The following DYNLT5 variants were observed in gnomAD, a reference collection of about 807,000 sequenced individuals.
DYNLT5 encodes dynein light chain Tctex-type family member 5, also known as dynein light chain Tctex-type 5.
DYNLT5 carries 25 observed loss-of-function variants against 19.3 expected under a neutral mutation model. The ratio of observed to expected loss-of-function variants is 1.30; its 90% CI spans 0.95 to 1.81. DYNLT5 has a LOEUF of 1.81. DYNLT5 is among the 40% of genes most tolerant of loss of function. The probability of loss-of-function intolerance (pLI) is 0.00; values close to 1 mark genes in which losing one functional copy is unlikely to be tolerated. For missense variants in DYNLT5, 232 were observed against 217.9 expected, an observed-to-expected ratio of 1.06 and a Z score of -0.41; for synonymous variants, 82 against 68.9, an observed-to-expected ratio of 1.19 and a Z score of -0.94.
chr1:66,771,418 G>A (rs140512769), intron 3 of DYNLT5, among the ~76,000 whole-genome samples: 241 of 152,308 alleles, frequency 1.6e-3, no homozygotes, highest in African/African-American at 5.7e-3. Context: ...AATGAAGCTG[G>A]CACTGGCTTT....
chr1:66,764,331 G>C (rs1301000241), intron 2 of DYNLT5, among the ~76,000 whole-genome samples: 1 of 152,142 alleles, frequency 6.6e-6, no homozygotes, highest in Admixed American at 6.5e-5. Flanking sequence ...TCTAGCTTTT[G>C]ATTTAAAAGT....
Position 66,778,438 on chromosome 1 carries a change from C to T in DYNLT5, c.*984C>T, listed in dbSNP as rs541406963. The T allele has an allele frequency of 8.5e-5, 13 of 152,676 alleles. No individual in the cohort carries two copies. The highest frequency in any genetic ancestry group is 6.5e-4 in the Admixed American group (10 of 15,292). The allele number at this position is 152,676 out of a possible 1,614,324, so 9.5% of individuals were successfully genotyped here. On this transcript the variant is annotated 3_prime_UTR_variant, in exon 5 of 5. Coordinates refer to ENST00000282670, the MANE Select transcript of DYNLT5 (RefSeq NM_152665.3). Reference sequence around the variant, plus strand: ...TTATTCTGCTGGTTAATGTATCTTACGCCACGGATCATTTATTTTTATGAA... The same window carrying T: ...TTATTCTGCTGGTTAATGTATCTTATGCCACGGATCATTTATTTTTATGAA...
At position 66,778,906 on chromosome 1, in the gene DYNLT5, G is replaced by A. The variant is rs1258203326; in HGVS notation, c.*1452G>A. On this transcript the variant is annotated 3_prime_UTR_variant, in exon 5 of 5. Coordinates refer to ENST00000282670, the MANE Select transcript of DYNLT5 (RefSeq NM_152665.3). ...ATAGAACAGTTTTCAATCTGGATTA[G>A]ATTACACGTATAACAAGTAAATGAG... The A allele has an allele frequency of 6.6e-6, 1 of 152,048 alleles. No individual in the cohort carries two copies. Among genetic ancestry groups the A allele is most frequent in the Non-Finnish European group, 1.5e-5 (1 of 68,012 alleles). The allele number at this position is 152,048 out of a possible 1,614,324, so 9.4% of individuals were successfully genotyped here.
intron 2 of DYNLT5, among the ~76,000 whole-genome samples, chr1:66,756,286 T>C (rs2094635887): frequency 6.6e-6 from 1 of 152,180 alleles, no homozygotes. Flanking sequence ...AATGATCAGC[T>C]TCCAAGTCCC....
rs146881263 is a variant in DYNLT5 at position 66,757,366 on chromosome 1, A to G, written c.119+2589A>G. Among the ~76,000 whole-genome samples, 102 of 152,330 alleles carry G rather than the reference A, an allele frequency of 6.7e-4. 2 individuals carry two copies. The East Asian group carries it at 0.011, about 16-fold the overall frequency. On this transcript the variant is annotated intron_variant, in intron 2 of 4. Transcript: ENST00000282670. ...AAAGAAGATTAAATTTATATTAAAT[A>G]TTATTGTGAACTGTTTTCAAGATTG...
At chr1:66,754,076 A>G (rs1476840012) in intron 1 of DYNLT5, among the ~76,000 whole-genome samples, 6 of 152,090 alleles carry the variant, frequency 3.9e-5, no homozygotes, top group African/African-American at 1.4e-4. Flanking sequence ...CCCTATCTCT[A>G]CAAAAAATTA....
chr1:66,754,637 CA>C lies in DYNLT5; in HGVS notation c.-3-15del. ...TCCGGATCTTTCTTTTGCTATTTTACAAAAGTCTTCTTCCATAGGTTATGAT... is the reference window on the plus strand; with the variant it reads ...TCCGGATCTTTCTTTTGCTATTTTACAAAGTCTTCTTCCATAGGTTATGAT... On this transcript the variant is annotated intron_variant, in intron 1 of 4. Coordinates refer to ENST00000282670, the MANE Select transcript of DYNLT5 (RefSeq NM_152665.3). 1.3e-6 allele frequency: 2 copies of C among 1,580,990 alleles called. No homozygotes were observed. The highest frequency in any genetic ancestry group is 1.2e-5 in the South Asian group (1 of 84,928).
rs1394432254 is a variant in DYNLT5 at position 66,778,231 on chromosome 1, G to A, written c.*777G>A. The A allele has an allele frequency of 1.3e-5, 2 of 152,560 alleles. No individual in the cohort carries two copies. Among genetic ancestry groups the A allele is most frequent in the Non-Finnish European group, 2.9e-5 (2 of 68,006 alleles). The allele number at this position is 152,560 out of a possible 1,614,324, so 9.5% of individuals were successfully genotyped here. A position where few individuals can be genotyped will look rare whatever the true frequency, so the allele number is the denominator to read the frequency against. ...TCTGTAACACATAAAATCATTTATTGGAAAGAGACATTGCTTTTAAATATC... is the reference window on the plus strand; with the variant it reads ...TCTGTAACACATAAAATCATTTATTAGAAAGAGACATTGCTTTTAAATATC... On this transcript the variant is annotated 3_prime_UTR_variant, in exon 5 of 5. Coordinates refer to ENST00000282670, the MANE Select transcript of DYNLT5 (RefSeq NM_152665.3).
In DYNLT5 at chr1:66,778,399, G is replaced by A. The variant is rs951756307; in HGVS notation, c.*945G>A. 1 of 152,590 alleles carries A rather than the reference G, an allele frequency of 6.6e-6. No individual in the cohort carries two copies. Among genetic ancestry groups the A allele is most frequent in the Non-Finnish European group, 1.5e-5 (1 of 68,038 alleles). 9.5% of individuals were successfully genotyped at this position (152,590 alleles called of 1,614,324 possible). ...ATAGACGGGTGCTAAAATTTACAGGGCTGAAATAGCTTATTATTCTGCTGG... is the reference window on the plus strand; with the variant it reads ...ATAGACGGGTGCTAAAATTTACAGGACTGAAATAGCTTATTATTCTGCTGG... On this transcript the variant is annotated 3_prime_UTR_variant, in exon 5 of 5. Coordinates refer to ENST00000282670, the MANE Select transcript of DYNLT5 (RefSeq NM_152665.3).
chr1:66,765,376 C>T (rs1304210581), intron 2 of DYNLT5, among the ~76,000 whole-genome samples: 3 of 152,128 alleles, frequency 2.0e-5, no homozygotes, highest in Non-Finnish European at 4.4e-5. Context: ...ATTATCTCTT[C>T]CTGCAGCTTC....
intron 3 of DYNLT5, chr1:66,776,012 C>T (rs1572553084): frequency 7.5e-6 from 2 of 266,216 alleles, no homozygotes; most frequent in Non-Finnish European, 1.4e-5. Context: ...ACAATGGGGC[C>T]TGGGAAGGAA....
intron 3 of DYNLT5, among the ~76,000 whole-genome samples, chr1:66,774,392 A>G (rs1645222841): frequency 1.0e-5 from 1 of 100,310 alleles, no homozygotes; most frequent in South Asian, 3.8e-4. Context: ...TGATGGGGAG[A>G]TCTTTAAGAA....
At chr1:66,769,455 G>A (rs936352041) in intron 2 of DYNLT5, among the ~76,000 whole-genome samples, 1 of 152,018 alleles carries the variant, frequency 6.6e-6, no homozygotes, top group Non-Finnish European at 1.5e-5. Context: ...AAGATTAAGA[G>A]CAAATATCTA....
At chr1:66,766,956 A>C (rs1325494388) in intron 2 of DYNLT5, among the ~76,000 whole-genome samples, 1 of 152,094 alleles carries the variant, frequency 6.6e-6, no homozygotes, top group Admixed American at 6.5e-5. Flanking sequence ...GAACACAAAG[A>C]GGGGAACGAC....
intron 2 of DYNLT5, among the ~76,000 whole-genome samples, chr1:66,756,965 T>C (rs1443045750): frequency 6.6e-6 from 1 of 152,230 alleles, no homozygotes; most frequent in Non-Finnish European, 1.5e-5. Flanking sequence ...TTTCGCTCCA[T>C]CTCCACCTTT....
intron 3 of DYNLT5, among the ~76,000 whole-genome samples, chr1:66,773,596 G>C (rs1236373362): frequency 1.3e-5 from 2 of 152,018 alleles, no homozygotes; most frequent in Non-Finnish European, 2.9e-5. Flanking sequence ...GTGTTTTATT[G>C]TGTGACAAGC....
At chr1:66,761,537 A>C (rs561712026) in intron 2 of DYNLT5, among the ~76,000 whole-genome samples, 69 of 152,244 alleles carry the variant, frequency 4.5e-4, no homozygotes, top group South Asian at 3.1e-3. Context: ...TAATTCCAAC[A>C]CTTTGGGGAG....
intron 1 of DYNLT5, 127 bp downstream of exon 1, chr1:66,752,711 C>T: frequency 3.7e-6 from 2 of 538,244 alleles, no homozygotes; most frequent in Non-Finnish European, 4.7e-6. Context: ...CCTCCTCTCC[C>T]CAACACATAA....
intron 1 of DYNLT5, 149 bp downstream of exon 1, chr1:66,752,733 C>T (rs2094628254): frequency 2.2e-6 from 1 of 456,960 alleles, no homozygotes; most frequent in Non-Finnish European, 2.9e-6. Context: ...AAAAAATGAT[C>T]CCAAATTTGG....
Sources: allele counts gnomAD v4.1 joint callset (sites outside exome capture counted in the v4.1 genomes callset), GRCh38; gene constraint gnomAD v4.1.1; transcripts MANE v1.5; gene names NCBI Gene and HGNC (gene_info 2026-07-23, HGNC 2026-07-21).